Variants in ITPRID1 observed in about 807,000 individuals in gnomAD.
The protein encoded by ITPRID1 is protein ITPRID1.
Under a neutral mutation model 95.4 loss-of-function variants are expected in ITPRID1, and 96 were observed. That is an observed-to-expected ratio of 1.01 (90% CI 0.85 to 1.19). The LOEUF is 1.19. ITPRID1 is among the 50% of genes most tolerant of loss of function. The probability of loss-of-function intolerance (pLI) is 0.00; values close to 1 mark genes in which losing one functional copy is unlikely to be tolerated. For synonymous variants in ITPRID1, 510 were observed against 453.6 expected, an observed-to-expected ratio of 1.12 and a Z score of -1.58; for missense variants, 1,339 against 1,252.9, an observed-to-expected ratio of 1.07 and a Z score of -1.04.
At chr7:31,619,643 G>A (rs1245799081) in intron 10 of ITPRID1, among the ~76,000 whole-genome samples, 2 of 152,120 alleles carry the variant, frequency 1.3e-5, no homozygotes, top group African/African-American at 2.4e-5. Context: ...TGGCCGAATA[G>A]GAACAGCTCC....
intron 12 of ITPRID1, among the ~76,000 whole-genome samples, chr7:31,648,449 G>A (rs1055993081): frequency 6.6e-6 from 1 of 151,788 alleles, no homozygotes; most frequent in African/African-American, 2.4e-5. Context: ...CTTATTCTAG[G>A]GCTAAAATGT....
At chr7:31,563,531 G>A (rs543922976) in intron 5 of ITPRID1, among the ~76,000 whole-genome samples, 5 of 152,266 alleles carry the variant, frequency 3.3e-5, no homozygotes, top group Middle Eastern at 3.4e-3. Flanking sequence ...TGAAAAGGTC[G>A]TGAATAATTT....
intron 10 of ITPRID1, among the ~76,000 whole-genome samples, chr7:31,627,547 T>C (rs1788577379): frequency 6.6e-6 from 1 of 150,562 alleles, no homozygotes; most frequent in Admixed American, 6.7e-5. Context: ...AGTCCCAGCT[T>C]CTCAGGAGGC....
chr7:31,587,524 T>C (rs55910931), intron 10 of ITPRID1, among the ~76,000 whole-genome samples: 26,197 of 144,300 alleles, frequency 0.18, 2,860 homozygotes, highest in South Asian at 0.31. Context: ...TCCATGCTCA[T>C]GGGTAGGAAG....
chr7:31,637,481 T>C (rs1789601212), intron 10 of ITPRID1, among the ~76,000 whole-genome samples: 1 of 152,240 alleles, frequency 6.6e-6, no homozygotes, highest in Non-Finnish European at 1.5e-5. Flanking sequence ...ATTTCTCTGA[T>C]GGCCAGTGAT....
intron 10 of ITPRID1, among the ~76,000 whole-genome samples, chr7:31,623,628 AC>A (rs1788144149): frequency 7.9e-6 from 1 of 126,826 alleles, no homozygotes; most frequent in South Asian, 2.9e-4. Flanking sequence ...GCTATCTATG[AC>A]AAACCCACAG....
intron 1 of ITPRID1, among the ~76,000 whole-genome samples, chr7:31,514,424 T>C (rs1231497022): frequency 1.3e-5 from 2 of 152,088 alleles, no homozygotes; most frequent in Non-Finnish European, 2.9e-5. Context: ...GATAAAGGAG[T>C]TGAAATGTAA....
intron 6 of ITPRID1, among the ~76,000 whole-genome samples, chr7:31,571,178 C>T (rs1163590189): frequency 6.6e-6 from 1 of 152,068 alleles, no homozygotes. Flanking sequence ...CAGGCACCTG[C>T]CACCACACCT....
At chr7:31,552,977 T>G in intron 2 of ITPRID1, 25 bp from the exon 3 acceptor site, 1 of 1,579,978 alleles carries the variant, frequency 6.3e-7, no homozygotes, top group East Asian at 2.3e-5. Flanking sequence ...TCGTGTCTGA[T>G]TTGTTTGTGT....
chr7:31,584,361 C>T (rs140852017), intron 10 of ITPRID1, among the ~76,000 whole-genome samples: 10 of 152,254 alleles, frequency 6.6e-5, no homozygotes, highest in African/African-American at 2.4e-4. Context: ...TCCTGCTCTT[C>T]GAAGTAATTA....
chr7:31,602,125 G>T (rs1343245507), intron 10 of ITPRID1, among the ~76,000 whole-genome samples: 1 of 152,034 alleles, frequency 6.6e-6, no homozygotes, highest in Non-Finnish European at 1.5e-5. Flanking sequence ...GACTTACACA[G>T]AAAGCAGGGT....
chr7:31,592,957 A>G (rs148090693), intron 10 of ITPRID1, among the ~76,000 whole-genome samples: 3,238 of 152,330 alleles, frequency 0.021, 111 homozygotes, highest in African/African-American at 0.072. Flanking sequence ...CTTTAAAATG[A>G]AAGAAAATAT....
chr7:31,644,310 C>T (rs966259134), intron 12 of ITPRID1, among the ~76,000 whole-genome samples: 14 of 152,204 alleles, frequency 9.2e-5, no homozygotes, highest in South Asian at 2.1e-4. Flanking sequence ...GTCTTAAATT[C>T]GTTTAGCTAT....
At position 31,574,640 on chromosome 7, in the gene ITPRID1, G is replaced by A; in HGVS notation, c.496G>A (p.Ala166Thr). The change falls in exon 8 of 15, where the codon GCC becomes ACC. Residue 166 changes from alanine to threonine, a missense_variant. Physicochemically the swap from Ala to Thr is moderately conservative, Grantham distance 58. Transcript: ENST00000615280. ...GCCAGACATCTGCATGCAAATCCCA[G>A]CCAGATTCCTTGGTTGTGGCTCAGC... is the stretch of plus-strand genomic sequence containing the variant. ...DEPDICMQIP[A>T]RFLGCGSAAR... 6.2e-7 allele frequency: 1 copy of A among 1,613,944 alleles called. No homozygotes were observed. Among genetic ancestry groups the A allele is most frequent in the Non-Finnish European group, 8.5e-7 (1 of 1,179,846 alleles).
intron 10 of ITPRID1, among the ~76,000 whole-genome samples, chr7:31,592,619 T>A (rs1235281088): frequency 2.6e-5 from 4 of 152,174 alleles, no homozygotes; most frequent in African/African-American, 9.7e-5. Context: ...CAACCTAGAT[T>A]CTTTGCATGT....
At chr7:31,628,619 C>T (rs1172433548) in intron 10 of ITPRID1, among the ~76,000 whole-genome samples, 1 of 151,802 alleles carries the variant, frequency 6.6e-6, no homozygotes, top group South Asian at 2.1e-4. Flanking sequence ...CACCACGCCC[C>T]GCTAATTTTT....
intron 1 of ITPRID1, among the ~76,000 whole-genome samples, chr7:31,533,305 G>T (rs1274126511): frequency 1.3e-5 from 2 of 152,080 alleles, no homozygotes; most frequent in East Asian, 3.9e-4. Flanking sequence ...GAAGTTTCTT[G>T]ATAACATATG....
At chr7:31,602,280 A>C (rs1786426928) in intron 10 of ITPRID1, among the ~76,000 whole-genome samples, 1 of 152,230 alleles carries the variant, frequency 6.6e-6, no homozygotes, top group South Asian at 2.1e-4. Context: ...GCAACAAGAC[A>C]TATGTGAGAC....
intron 12 of ITPRID1, among the ~76,000 whole-genome samples, chr7:31,647,397 C>T (rs1158551498): frequency 6.6e-6 from 1 of 151,956 alleles, no homozygotes; most frequent in African/African-American, 2.4e-5. Flanking sequence ...CATGGTGGCT[C>T]ACGCCTGTAA....
Sources: allele counts gnomAD v4.1 joint callset (sites outside exome capture counted in the v4.1 genomes callset), GRCh38; gene constraint gnomAD v4.1.1; transcripts MANE v1.5; gene names NCBI Gene and HGNC (gene_info 2026-07-23, HGNC 2026-07-21).